The following NPAS3 variants were observed in gnomAD, a reference collection of about 807,000 sequenced individuals.
NPAS3 encodes neuronal PAS domain-containing protein 3.
A neutral mutation model predicts 73.1 loss-of-function variants in NPAS3; 14 were observed. That is an observed-to-expected ratio of 0.19 (90% CI 0.13 to 0.30). The LOEUF (loss-of-function observed/expected upper bound fraction) is 0.30, where lower values mean the gene tolerates loss of function less well. Among genes scored for constraint, NPAS3 ranks in the 10% least tolerant of loss-of-function variants. NPAS3 has a pLI of 1.00. For missense variants in NPAS3, 1,096 were observed against 1,250.0 expected (o/e 0.88, Z 1.86); for synonymous variants, 620 against 541.5 (o/e 1.14, Z -2.01).
chr14:33,683,875 C>T (rs2060011326), intron 6 of NPAS3, among the ~76,000 whole-genome samples: 1 of 152,228 alleles, frequency 6.6e-6, no homozygotes, highest in South Asian at 2.1e-4. Context: ...GGTTGGCATT[C>T]ATATCCTCTT....
intron 2 of NPAS3, among the ~76,000 whole-genome samples, chr14:33,066,540 G>A (rs1274522837): frequency 6.6e-6 from 1 of 152,180 alleles, no homozygotes; most frequent in Non-Finnish European, 1.5e-5. Flanking sequence ...TTTAAGTAGA[G>A]TATGTTTTTA....
At chr14:33,758,082 C>T (rs1204080173) in intron 7 of NPAS3, among the ~76,000 whole-genome samples, 1 of 152,184 alleles carries the variant, frequency 6.6e-6, no homozygotes, top group Non-Finnish European at 1.5e-5. Context: ...ATCCTTTCTT[C>T]AGAATTCTTC....
chr14:33,105,441 G>GT (rs1268667041), intron 2 of NPAS3, among the ~76,000 whole-genome samples: 2 of 152,036 alleles, frequency 1.3e-5, no homozygotes, highest in Non-Finnish European at 2.9e-5. Flanking sequence ...TTTTCTGTAA[G>GT]TTTACATTTA....
intron 5 of NPAS3, among the ~76,000 whole-genome samples, chr14:33,586,934 G>T (rs1257280488): frequency 6.6e-6 from 1 of 152,166 alleles, no homozygotes; most frequent in Non-Finnish European, 1.5e-5. Flanking sequence ...GCACTGAGAT[G>T]CAGTAAAAGA....
chr14:33,565,117 A>AG (rs1473552766), intron 5 of NPAS3, among the ~76,000 whole-genome samples: 1 of 152,236 alleles, frequency 6.6e-6, no homozygotes, highest in African/African-American at 2.4e-5. Context: ...GGGTGGCTGC[A>AG]GATTATAATA....
At chr14:33,662,673 T>C (rs2059340500) in intron 5 of NPAS3, among the ~76,000 whole-genome samples, 1 of 152,164 alleles carries the variant, frequency 6.6e-6, no homozygotes, top group Non-Finnish European at 1.5e-5. Flanking sequence ...GCGTCCCTTG[T>C]ACATTGTATT....
At position 32,955,441 on chromosome 14, in the gene NPAS3, A is replaced by C. The variant is rs554800768; in HGVS notation, c.50+16075A>C. On this transcript the variant is annotated intron_variant, in intron 1 of 11. Coordinates refer to ENST00000356141, the Ensembl canonical transcript of NPAS3. Reference sequence around the variant, plus strand: ...TAAGACATCAAGCTCTAAGATGCTCATGAAGAGGAGACAAGATAACATGGA... The same window carrying C: ...TAAGACATCAAGCTCTAAGATGCTCCTGAAGAGGAGACAAGATAACATGGA... Among the ~76,000 whole-genome samples, 8 of 152,292 alleles carry C rather than the reference A, an allele frequency of 5.3e-5. No individual in the cohort carries two copies. In the South Asian group the frequency reaches 1.7e-3, roughly 32 times the overall value.
intron 3 of NPAS3, among the ~76,000 whole-genome samples, chr14:33,231,011 C>T (rs1280170579): frequency 3.3e-5 from 5 of 152,166 alleles, no homozygotes; most frequent in Non-Finnish European, 7.3e-5. Context: ...GATAGTCATT[C>T]AGGTGACCTG....
chr14:33,791,081 T>G (rs987170732), intron 9 of NPAS3, among the ~76,000 whole-genome samples: 1 of 152,214 alleles, frequency 6.6e-6, no homozygotes, highest in African/African-American at 2.4e-5. Context: ...CACCAATCCC[T>G]AGGAGAGACC....
intron 1 of NPAS3, among the ~76,000 whole-genome samples, chr14:32,995,886 C>T (rs2038549575): frequency 6.6e-6 from 1 of 152,020 alleles, no homozygotes; most frequent in Non-Finnish European, 1.5e-5. Context: ...TGGGGTGTTG[C>T]TGAAAAGATA....
At chr14:33,228,096 A>G (rs1342321401) in intron 3 of NPAS3, among the ~76,000 whole-genome samples, 1 of 152,180 alleles carries the variant, frequency 6.6e-6, no homozygotes, top group Non-Finnish European at 1.5e-5. Context: ...GGAACTTTCA[A>G]AGGTATATTA....
intron 6 of NPAS3, among the ~76,000 whole-genome samples, chr14:33,680,065 G>A (rs2098651422): frequency 6.6e-6 from 1 of 152,178 alleles, no homozygotes; most frequent in Non-Finnish European, 1.5e-5. Flanking sequence ...GGCTCCCGCA[G>A]TATGAGGAGC....
intron 5 of NPAS3, among the ~76,000 whole-genome samples, chr14:33,569,349 G>A (rs2056106054): frequency 6.6e-6 from 1 of 152,162 alleles, no homozygotes; most frequent in Non-Finnish European, 1.5e-5. Flanking sequence ...GCCTAGATTG[G>A]ATGTTTTCAA....
At chr14:33,743,655 T>C (rs1378508560) in intron 7 of NPAS3, among the ~76,000 whole-genome samples, 1 of 152,220 alleles carries the variant, frequency 6.6e-6, no homozygotes, top group Non-Finnish European at 1.5e-5. Flanking sequence ...AAGCTAAACA[T>C]TGATGACTTC....
intron 2 of NPAS3, among the ~76,000 whole-genome samples, chr14:33,119,139 G>T (rs1452980165): frequency 6.6e-6 from 1 of 151,846 alleles, no homozygotes; most frequent in Admixed American, 6.6e-5. Flanking sequence ...GCAAGCAGTT[G>T]GTATCATGTA....
intron 3 of NPAS3, among the ~76,000 whole-genome samples, chr14:33,284,854 C>A (rs1389681896): frequency 1.3e-5 from 2 of 151,964 alleles, no homozygotes; most frequent in South Asian, 4.2e-4. Flanking sequence ...GTTATAAGCT[C>A]CCTCATTTTG....
At chr14:33,378,918 T>C (rs1259150792) in intron 4 of NPAS3, among the ~76,000 whole-genome samples, 1 of 152,190 alleles carries the variant, frequency 6.6e-6, no homozygotes, top group Non-Finnish European at 1.5e-5. Context: ...TACTACATGT[T>C]GAGCACCTCT....
At chr14:33,188,760 C>A (rs138139673) in intron 2 of NPAS3, among the ~76,000 whole-genome samples, 4 of 152,190 alleles carry the variant, frequency 2.6e-5, no homozygotes, top group African/African-American at 9.6e-5. Context: ...TATCATTTCC[C>A]AATCTTCAGG....
chr14:33,282,256 T>C (rs906278095), intron 3 of NPAS3, among the ~76,000 whole-genome samples: 15 of 152,362 alleles, frequency 9.8e-5, no homozygotes, highest in Middle Eastern at 3.4e-3. Context: ...ATTCCAAGGC[T>C]TTGTGCCTAT....
Sources: gnomAD v4.1 joint callset for allele counts (sites outside exome capture counted in the v4.1 genomes callset) on GRCh38, gnomAD v4.1.1 for gene constraint, MANE v1.5 for transcripts, NCBI Gene and HGNC (gene_info 2026-07-23, HGNC 2026-07-21) for gene names.